The following CNKSR3 variants were observed in gnomAD, a reference collection of about 807,000 sequenced individuals.
The protein encoded by CNKSR3 is CNKSR family member 3.
Under a neutral mutation model 67.7 loss-of-function variants are expected in CNKSR3, and 36 were observed. That is an observed-to-expected ratio of 0.53 (90% CI 0.41 to 0.70). The LOEUF is 0.70. Ranked by LOEUF, CNKSR3 falls within the 30% of genes least tolerant of loss-of-function variation. CNKSR3 has a pLI of 0.00. For synonymous variants in CNKSR3, 281 were observed against 271.4 expected, an observed-to-expected ratio of 1.04 and a Z score of -0.35; for missense variants, 630 against 695.2, an observed-to-expected ratio of 0.91 and a Z score of 1.05.
intron 1 of CNKSR3, among the ~76,000 whole-genome samples, chr6:154,455,910 A>G (rs940821411): frequency 2.6e-5 from 4 of 152,182 alleles, no homozygotes; most frequent in Admixed American, 1.3e-4. Flanking sequence ...CCTTGTACTA[A>G]GAATTTTTAT....
chr6:154,508,607 G>A (rs1191199355), intron 1 of CNKSR3, among the ~76,000 whole-genome samples: 1 of 152,236 alleles, frequency 6.6e-6, no homozygotes, highest in East Asian at 1.9e-4. Flanking sequence ...TCAAGCTAGC[G>A]TGGGCATGGA....
chr6:154,448,884 G>A (rs1464054190), intron 2 of CNKSR3, among the ~76,000 whole-genome samples: 1 of 152,214 alleles, frequency 6.6e-6, no homozygotes, highest in Non-Finnish European at 1.5e-5. Context: ...TCTCAGTGAT[G>A]TAATTGTATA....
intron 1 of CNKSR3, among the ~76,000 whole-genome samples, chr6:154,496,460 A>G (rs1406339619): frequency 7.0e-6 from 1 of 142,396 alleles, no homozygotes; most frequent in African/African-American, 2.5e-5. Flanking sequence ...CTCTGAGTAC[A>G]GGAGAAGCAC....
chr6:154,494,012 G>C (rs968458685), intron 1 of CNKSR3, among the ~76,000 whole-genome samples: 3 of 152,166 alleles, frequency 2.0e-5, no homozygotes, highest in Non-Finnish European at 2.9e-5. Flanking sequence ...TCCAGAGCTA[G>C]CTAGGATTAA....
rs1324117509 is a variant in CNKSR3, at chr6:154,388,144, C to G, written c.*18210G>C. 6.6e-6 allele frequency: 1 copy of G among 152,116 alleles called. No homozygotes were observed. Among genetic ancestry groups the G allele is most frequent in the African/African-American group, 2.4e-5 (1 of 41,412 alleles). The allele number at this position is 152,116 out of a possible 1,614,324, so 9.4% of individuals were successfully genotyped here. A position where few individuals can be genotyped will look rare whatever the true frequency, so the allele number is the denominator to read the frequency against. ...GCTTATTCACCTGACTTCACTGAAA[C>G]TTTATGCCTATTGATTAGTAACTCC... is the stretch of plus-strand genomic sequence containing the variant. On this transcript the variant is annotated 3_prime_UTR_variant, in exon 13 of 13. Coordinates refer to ENST00000607772, the MANE Select transcript of CNKSR3 (RefSeq NM_173515.4).
chr6:154,504,672 G>C (rs754837569), intron 1 of CNKSR3, among the ~76,000 whole-genome samples: 2 of 148,746 alleles, frequency 1.3e-5, no homozygotes, highest in Non-Finnish European at 1.5e-5. Context: ...TTTAATATGG[G>C]CTGGAAATTA....
intron 4 of CNKSR3, among the ~76,000 whole-genome samples, chr6:154,435,657 T>C (rs72995424): frequency 0.027 from 4,100 of 152,210 alleles, 92 homozygotes; most frequent in Non-Finnish European, 0.044. Flanking sequence ...ATGAAGGCAA[T>C]GGAATGGAAA....
chr6:154,459,490 C>T (rs147664261), intron 1 of CNKSR3, among the ~76,000 whole-genome samples: 1 of 149,066 alleles, frequency 6.7e-6, no homozygotes. Context: ...AGACTCTTAC[C>T]CATTTGGGAA....
At chr6:154,406,855 T>A (rs1049603061) in intron 12 of CNKSR3, among the ~76,000 whole-genome samples, 5 of 151,506 alleles carry the variant, frequency 3.3e-5, no homozygotes, top group Admixed American at 1.3e-4. Flanking sequence ...TAGTCCCAGC[T>A]ACTCAGAGAA....
In CNKSR3 at chr6:154,388,658, C is replaced by T. The variant is rs1056577599; in HGVS notation, c.*17696G>A. ...GTATGCAAGGGTTCCAATTTGTCCA[C>T]TTCTTCACCAATATTTGTTGTGTTT... On this transcript the variant is annotated 3_prime_UTR_variant, in exon 13 of 13. Transcript: ENST00000607772. 1 of 152,166 alleles carries T rather than the reference C, an allele frequency of 6.6e-6. No homozygotes were observed. Among genetic ancestry groups the T allele is most frequent in the African/African-American group, 2.4e-5 (1 of 41,440 alleles). 9.4% of individuals were successfully genotyped at this position (152,166 alleles called of 1,614,324 possible). A position where few individuals can be genotyped will look rare whatever the true frequency, so the allele number is the denominator to read the frequency against.
intron 1 of CNKSR3, among the ~76,000 whole-genome samples, chr6:154,471,092 C>A (rs542535770): frequency 2.0e-5 from 3 of 152,172 alleles, no homozygotes; most frequent in Non-Finnish European, 4.4e-5. Context: ...ATCCATATTA[C>A]GCCAAGACAG....
chr6:154,441,972 G>A lies in CNKSR3; in HGVS notation c.419+116C>T, dbSNP rs1177095375. ...ACTGATCGAGGACTCCTTAAGAGCC[G>A]GTAAAAATGATATGAAAAGAACAAT... On this transcript the variant is annotated intron_variant, in intron 3 of 12. Transcript: ENST00000607772. 17 of 978,424 alleles carry A rather than the reference G, an allele frequency of 1.7e-5. No individual in the cohort carries two copies. The Admixed American group carries it at 1.8e-4, about 10-fold the overall frequency. The allele number at this position is 978,424 out of a possible 1,614,324, so 60.6% of individuals were successfully genotyped here.
At chr6:154,474,734 C>T (rs1374888202) in intron 1 of CNKSR3, among the ~76,000 whole-genome samples, 2 of 152,052 alleles carry the variant, frequency 1.3e-5, no homozygotes, top group African/African-American at 4.8e-5. Context: ...TGATGGACTA[C>T]GACATCACAT....
intron 4 of CNKSR3, among the ~76,000 whole-genome samples, chr6:154,437,555 T>C (rs1785497576): frequency 6.6e-6 from 1 of 151,680 alleles, no homozygotes; most frequent in Non-Finnish European, 1.5e-5. Context: ...CTGGGATATA[T>C]AGGTGTCCGC....
At chr6:154,451,689 C>T (rs1785836625) in intron 1 of CNKSR3, among the ~76,000 whole-genome samples, 1 of 152,154 alleles carries the variant, frequency 6.6e-6, no homozygotes, top group African/African-American at 2.4e-5. Context: ...TAAACTACAT[C>T]TCTGCCCTGC....
rs753232620 is a variant in CNKSR3 at position 154,414,363 on chromosome 6, T to C, written c.1006A>G (p.Lys336Glu). ...PESTMDTSLK[K>E]EKSAILDLYI... The stretch of plus-strand genomic sequence containing the variant: ...AGATCCAGGATGGCTGACTTCTCCT[T>C]CTTCAGTGAGGTATCCATAGTGCTT... Residue 336 changes from lysine (K) to glutamate (E), a missense_variant, in exon 10 of 13, where the codon AAG (lysine) becomes GAG (glutamate). Lys to Glu is a moderately conservative substitution (Grantham distance 56). Coordinates refer to ENST00000607772, the MANE Select transcript of CNKSR3 (RefSeq NM_173515.4). 2 of 1,611,978 alleles carry C rather than the reference T, an allele frequency of 1.2e-6. No individual in the cohort carries two copies. The highest frequency in any genetic ancestry group is 1.7e-6 in the Non-Finnish European group (2 of 1,179,308).
intron 1 of CNKSR3, among the ~76,000 whole-genome samples, chr6:154,489,496 A>T (rs2114647430): frequency 6.6e-6 from 1 of 152,166 alleles, no homozygotes; most frequent in East Asian, 1.9e-4. Context: ...CCACCACCGC[A>T]CTCCAGCCTG....
intron 4 of CNKSR3, among the ~76,000 whole-genome samples, chr6:154,435,822 T>C (rs568032801): frequency 6.6e-6 from 1 of 152,236 alleles, no homozygotes. Flanking sequence ...AACTGAGCAG[T>C]CTTGTGCAGT....
rs1268575524 is a variant in CNKSR3, at chr6:154,387,692, T to C, written c.*18662A>G. 6.6e-6 allele frequency: 1 copy of C among 152,172 alleles called. No homozygotes were observed. Among genetic ancestry groups the C allele is most frequent in the Non-Finnish European group, 1.5e-5 (1 of 68,020 alleles). The allele number at this position is 152,172 out of a possible 1,614,324, so 9.4% of individuals were successfully genotyped here. On this transcript the variant is annotated 3_prime_UTR_variant, in exon 13 of 13. Coordinates refer to ENST00000607772, the MANE Select transcript of CNKSR3 (RefSeq NM_173515.4). ...TGCATACATAACAATTCTTCTGCTTTTAATGAAACATAAGAAACTGTCAAG... is the reference window on the plus strand; with the variant it reads ...TGCATACATAACAATTCTTCTGCTTCTAATGAAACATAAGAAACTGTCAAG...
Sources: allele counts gnomAD v4.1 joint callset (sites outside exome capture counted in the v4.1 genomes callset), GRCh38; gene constraint gnomAD v4.1.1; transcripts MANE v1.5; gene names NCBI Gene and HGNC (gene_info 2026-07-23, HGNC 2026-07-21).